The following KSR2 variants were observed in gnomAD, a reference collection of about 807,000 sequenced individuals.
The protein encoded by KSR2 is kinase suppressor of ras 2.
In KSR2, 25 loss-of-function variants were observed where a neutral mutation model predicts 107.8. That is an observed-to-expected ratio of 0.23 (90% confidence interval 0.17 to 0.32). The LOEUF (loss-of-function observed/expected upper bound fraction) is 0.32. Among genes scored for constraint, KSR2 ranks in the 10% least tolerant of loss-of-function variants. KSR2 has a pLI of 1.00. For missense variants in KSR2, 887 were observed against 1,268.9 expected (o/e 0.70, Z 4.57); for synonymous variants, 480 against 507.0 (o/e 0.95, Z 0.71).
At chr12:117,646,223 C>T (rs1286607229) in intron 5 of KSR2, among the ~76,000 whole-genome samples, 1 of 152,094 alleles carries the variant, frequency 6.6e-6, no homozygotes, top group African/African-American at 2.4e-5. Flanking sequence ...TAGGTTAAAT[C>T]CATGGATGTA....
intron 1 of KSR2, among the ~76,000 whole-genome samples, chr12:117,906,208 C>G (rs1053942548): frequency 1.3e-5 from 2 of 151,902 alleles, no homozygotes; most frequent in Admixed American, 1.3e-4. Flanking sequence ...AAAAAATTAA[C>G]CAGGCATGGT....
At chr12:117,552,368 G>C (rs1336667885) in intron 9 of KSR2, among the ~76,000 whole-genome samples, 1 of 152,184 alleles carries the variant, frequency 6.6e-6, no homozygotes, top group Non-Finnish European at 1.5e-5. Context: ...CCCACTAAGA[G>C]TTGAGGTCCG....
At chr12:117,923,237 T>C (rs1223002968) in intron 1 of KSR2, among the ~76,000 whole-genome samples, 1 of 152,286 alleles carries the variant, frequency 6.6e-6, no homozygotes, top group African/African-American at 2.4e-5. Context: ...TATCTATCTA[T>C]ATCTATCTAT....
intron 1 of KSR2, among the ~76,000 whole-genome samples, chr12:117,920,141 C>G (rs1424008858): frequency 6.6e-6 from 1 of 152,166 alleles, no homozygotes; most frequent in Non-Finnish European, 1.5e-5. Flanking sequence ...CTCTGTCACC[C>G]AGGCTAGAGG....
chr12:117,613,373 C>A (rs1356696955), intron 5 of KSR2, among the ~76,000 whole-genome samples: 1 of 152,188 alleles, frequency 6.6e-6, no homozygotes, highest in African/African-American at 2.4e-5. Context: ...AGTCCCAGAC[C>A]CAGCTGAGTC....
In KSR2 at chr12:117,860,448, G is replaced by A. The variant is rs1893253673; in HGVS notation, c.181-17C>T. On this transcript the variant is annotated splice_polypyrimidine_tract_variant and intron_variant, in intron 1 of 19. Transcript: ENST00000339824. ...CAGCTTGCTCTGTGGAGACACAGAC[G>A]AGGACAGAGGACACATCTCAGAGGC... 3 of 1,586,826 alleles carry A rather than the reference G, an allele frequency of 1.9e-6. No homozygotes were observed. The highest frequency in any genetic ancestry group is 1.3e-5 in the African/African-American group (1 of 74,556).
At chr12:117,905,282 C>T (rs1262683425) in intron 1 of KSR2, among the ~76,000 whole-genome samples, 1 of 152,184 alleles carries the variant, frequency 6.6e-6, no homozygotes, top group Non-Finnish European at 1.5e-5. Flanking sequence ...TGTATTCAAG[C>T]TAACACGGAC....
At chr12:117,927,668 G>C (rs1405793600) in intron 1 of KSR2, among the ~76,000 whole-genome samples, 1 of 151,942 alleles carries the variant, frequency 6.6e-6, no homozygotes, top group Admixed American at 6.6e-5. Context: ...ACTCCAACCT[G>C]GGCGACAGAG....
At chr12:117,703,627 T>G (rs1327371903) in intron 4 of KSR2, among the ~76,000 whole-genome samples, 1 of 152,130 alleles carries the variant, frequency 6.6e-6, no homozygotes, top group Non-Finnish European at 1.5e-5. Flanking sequence ...CACCTCCCAC[T>G]GAAAAACCAC....
intron 3 of KSR2, among the ~76,000 whole-genome samples, chr12:117,806,935 G>T (rs1191915526): frequency 1.3e-5 from 2 of 152,170 alleles, no homozygotes; most frequent in African/African-American, 4.8e-5. Flanking sequence ...TCAAGAACAA[G>T]CCTCTCACTT....
intron 4 of KSR2, among the ~76,000 whole-genome samples, chr12:117,758,422 G>T (rs987292070): frequency 6.6e-6 from 1 of 152,056 alleles, no homozygotes; most frequent in Non-Finnish European, 1.5e-5. Flanking sequence ...AGGCTAAGTG[G>T]TCCCACGGCA....
intron 3 of KSR2, among the ~76,000 whole-genome samples, chr12:117,806,396 G>A (rs1168923786): frequency 6.6e-6 from 1 of 152,144 alleles, no homozygotes; most frequent in Non-Finnish European, 1.5e-5. Flanking sequence ...ACTGCAACCA[G>A]GAGCGAGACT....
intron 4 of KSR2, among the ~76,000 whole-genome samples, chr12:117,718,305 T>C (rs1190467063): frequency 6.6e-6 from 1 of 152,212 alleles, no homozygotes; most frequent in Non-Finnish European, 1.5e-5. Context: ...AGGCATTTCC[T>C]CTGGAACCAC....
At chr12:117,574,461 C>T (rs1879134262) in intron 7 of KSR2, among the ~76,000 whole-genome samples, 1 of 152,054 alleles carries the variant, frequency 6.6e-6, no homozygotes, top group Admixed American at 6.6e-5. Context: ...GGGGAGGCCT[C>T]ATAATCATGG....
chr12:117,867,407 A>C (rs571600653), intron 1 of KSR2, among the ~76,000 whole-genome samples: 1 of 152,086 alleles, frequency 6.6e-6, no homozygotes, highest in East Asian at 1.9e-4. Flanking sequence ...TTCCACACCC[A>C]CCTGAGGAAG....
intron 14 of KSR2, among the ~76,000 whole-genome samples, chr12:117,490,763 T>C (rs1348026580): frequency 6.6e-6 from 1 of 152,206 alleles, no homozygotes; most frequent in East Asian, 1.9e-4. Flanking sequence ...AATCTCATTT[T>C]ATAGATGACA....
intron 7 of KSR2, among the ~76,000 whole-genome samples, chr12:117,561,979 A>T (rs1357093103): frequency 6.6e-6 from 1 of 152,198 alleles, no homozygotes; most frequent in African/African-American, 2.4e-5. Context: ...CTCTCTGTTT[A>T]TGGGGAGGGA....
chr12:117,519,588 G>C (rs1055798652), intron 14 of KSR2, among the ~76,000 whole-genome samples: 23 of 152,298 alleles, frequency 1.5e-4, no homozygotes, highest in Non-Finnish European at 2.6e-4. Context: ...GGGCTTCTGT[G>C]AGGGACTGTA....
chr12:117,630,690 GA>G (rs1352271172), intron 5 of KSR2, among the ~76,000 whole-genome samples: 2 of 152,132 alleles, frequency 1.3e-5, no homozygotes, highest in Non-Finnish European at 2.9e-5. Flanking sequence ...TGGATGGAGA[GA>G]AGTGATTTGA....
Sources: gnomAD v4.1 joint callset for allele counts (sites outside exome capture counted in the v4.1 genomes callset) on GRCh38, gnomAD v4.1.1 for gene constraint, MANE v1.5 for transcripts, NCBI Gene and HGNC (gene_info 2026-07-23, HGNC 2026-07-21) for gene names.